RNF121: variants seen among roughly 807,000 people sequenced by gnomAD.
The protein encoded by RNF121 is E3 ubiquitin ligase RNF121.
A neutral mutation model predicts 46.5 loss-of-function variants in RNF121; 21 were observed. The ratio of observed to expected loss-of-function variants is 0.45; its 90% confidence interval spans 0.32 to 0.65. The LOEUF is 0.65. RNF121 is among the 30% of genes least tolerant of loss of function. The pLI is 0.04. For synonymous variants in RNF121, 139 were observed against 144.7 expected (o/e 0.96, Z 0.28); for missense variants, 346 against 416.0 (o/e 0.83, Z 1.46).
At chr11:71,940,848 T>C (rs1953551527) in intron 1 of RNF121, among the ~76,000 whole-genome samples, 1 of 152,242 alleles carries the variant, frequency 6.6e-6, no homozygotes, top group South Asian at 2.1e-4. Flanking sequence ...ATGGAGAAGA[T>C]GTTTTGAGTT....
chr11:71,953,896 T>C (rs1326222792), intron 1 of RNF121, among the ~76,000 whole-genome samples: 4 of 152,218 alleles, frequency 2.6e-5, no homozygotes, highest in Non-Finnish European at 4.4e-5. Context: ...AGTCAACTTC[T>C]CATAATTTTT....
At chr11:71,992,985 C>G (rs1054660977) in intron 6 of RNF121, among the ~76,000 whole-genome samples, 6 of 152,120 alleles carry the variant, frequency 3.9e-5, no homozygotes, top group Non-Finnish European at 8.8e-5. Flanking sequence ...ATTTCCATCA[C>G]CTTGGGTAAC....
At chr11:71,961,317 T>G (rs533536564) in intron 3 of RNF121, among the ~76,000 whole-genome samples, 1 of 152,184 alleles carries the variant, frequency 6.6e-6, no homozygotes, top group African/African-American at 2.4e-5. Context: ...TCCTAGTACT[T>G]TGGGAGATTG....
chr11:71,961,019 T>C (rs1954118732), intron 3 of RNF121, 128 bp downstream of exon 3: 1 of 1,016,220 alleles, frequency 9.8e-7, no homozygotes, highest in Non-Finnish European at 1.4e-6. Flanking sequence ...ACTTTATGTA[T>C]GAATGATGAA....
intron 1 of RNF121, among the ~76,000 whole-genome samples, chr11:71,934,061 C>T (rs1953341523): frequency 6.6e-6 from 1 of 152,142 alleles, no homozygotes; most frequent in Non-Finnish European, 1.5e-5. Flanking sequence ...CCTTTCTTTT[C>T]CCTTATTGCC....
At chr11:71,993,159 T>C (rs1313755972) in intron 6 of RNF121, among the ~76,000 whole-genome samples, 1 of 152,242 alleles carries the variant, frequency 6.6e-6, no homozygotes, top group East Asian at 1.9e-4. Context: ...TACCTTCATT[T>C]CCCTCTTACC....
chr11:71,987,500 C>T (rs563401366), intron 5 of RNF121, among the ~76,000 whole-genome samples: 24 of 152,314 alleles, frequency 1.6e-4, no homozygotes, highest in African/African-American at 5.5e-4. Flanking sequence ...TTACGTTCAA[C>T]TAGGCCAGGG....
chr11:71,947,158 C>T lies in RNF121; in HGVS notation c.64-10069C>T, dbSNP rs536488766. On this transcript the variant is annotated intron_variant, in intron 1 of 8. Transcript: ENST00000361756. ...AGATTACAGGCTTGAGCCACTGTGCCTGGCTGGTTGCATCTTATTTTAAAT... is the reference window on the plus strand; with the variant it reads ...AGATTACAGGCTTGAGCCACTGTGCTTGGCTGGTTGCATCTTATTTTAAAT... Among the ~76,000 whole-genome samples, 37 of 152,190 alleles carry T rather than the reference C, an allele frequency of 2.4e-4. 1 individual carries two copies. In the Middle Eastern group the frequency reaches 0.027, roughly 112 times the overall value.
intron 1 of RNF121, among the ~76,000 whole-genome samples, chr11:71,930,618 A>G (rs1006587542): frequency 3.3e-5 from 5 of 152,130 alleles, no homozygotes; most frequent in Non-Finnish European, 7.4e-5. Flanking sequence ...GACCCCTTCT[A>G]GCTTTTACAT....
chr11:71,968,290 C>T lies in RNF121; in HGVS notation c.243+7399C>T, dbSNP rs538853105. Among the ~76,000 whole-genome samples the T allele has an allele frequency of 2.0e-5, 3 of 152,308 alleles. No individual in the cohort carries two copies. The South Asian group carries it at 6.2e-4, about 32-fold the overall frequency. On this transcript the variant is annotated intron_variant, in intron 3 of 8. Transcript: ENST00000361756. The stretch of plus-strand genomic sequence containing the variant: ...GGCCAGGCTGATCTCGAACTCTGGA[C>T]TTCAAGTGATCAAACTGCCTCGGCC...
In RNF121 at chr11:71,960,880, C is replaced by T. The variant is rs558215963; in HGVS notation, c.232C>T (p.Arg78Cys). ...LLVQWKQRHP[R>C]SYNMVTLFQM... ...GGTGCAGTGGAAGCAGAGGCACCCA[C>T]GCTCCTACAATGTAAGCCACTTTGC... Residue 78 changes from arginine to cysteine, a missense_variant, in exon 3 of 9, where the codon CGC becomes TGC. Transcript: ENST00000361756. 23 of 1,613,924 alleles carry T rather than the reference C, an allele frequency of 1.4e-5. 1 individual carries two copies. The highest frequency in any genetic ancestry group is 1.6e-4 in the Middle Eastern group (1 of 6,062).
At chr11:71,971,437 A>C (rs1387700761) in intron 3 of RNF121, among the ~76,000 whole-genome samples, 2 of 152,222 alleles carry the variant, frequency 1.3e-5, no homozygotes, top group Non-Finnish European at 2.9e-5. Context: ...CAAGTAAGAA[A>C]GATTCGATAA....
At chr11:71,970,218 G>A (rs1239707043) in intron 3 of RNF121, among the ~76,000 whole-genome samples, 8 of 152,110 alleles carry the variant, frequency 5.3e-5, no homozygotes, top group Admixed American at 3.3e-4. Context: ...AGGGAGTAGG[G>A]GGAATTAGGG....
At chr11:71,930,301 T>TCAACAGA (rs1198017903) in intron 1 of RNF121, among the ~76,000 whole-genome samples, 1 of 152,096 alleles carries the variant, frequency 6.6e-6, no homozygotes, top group Non-Finnish European at 1.5e-5. Flanking sequence ...AGAGGCCCCT[T>TCAACAGA]GCTGTGTGTT....
At chr11:71,989,744 T>C (rs1169407673) in intron 5 of RNF121, among the ~76,000 whole-genome samples, 1 of 152,210 alleles carries the variant, frequency 6.6e-6, no homozygotes, top group Non-Finnish European at 1.5e-5. Context: ...TCTTGTTAAA[T>C]AGACTTGGAC....
Position 71,987,087 on chromosome 11 carries a change from T to C in RNF121, c.482T>C (p.Leu161Pro), listed in dbSNP as rs1289117268. The change falls in exon 5 of 9, where the codon CTC becomes CCC. Residue 161 changes from leucine (L) to proline (P), a missense_variant. This residue lies in a region of RNF121 where 286 missense variants were observed against 383.8 expected (regional missense o/e 0.75). Coordinates refer to ENST00000361756, the MANE Select transcript of RNF121 (RefSeq NM_018320.5). ...IVGYMAVMFT[L>P]FGLNLLFKIK... Reference sequence around the variant, plus strand: ...GGCTACATGGCTGTCATGTTTACCCTCTTTGGTCTTAACTTATTATTCAAG... The same window carrying C: ...GGCTACATGGCTGTCATGTTTACCCCCTTTGGTCTTAACTTATTATTCAAG... 2 of 1,611,424 alleles carry C rather than the reference T, an allele frequency of 1.2e-6. No individual in the cohort carries two copies. Among genetic ancestry groups the C allele is most frequent in the Non-Finnish European group, 1.7e-6 (2 of 1,177,702 alleles).
At chr11:71,978,848 C>T (rs1954588986) in intron 3 of RNF121, among the ~76,000 whole-genome samples, 1 of 152,194 alleles carries the variant, frequency 6.6e-6, no homozygotes. Flanking sequence ...GTTAAACGAT[C>T]TGCCTAAGTT....
At chr11:71,974,433 C>T (rs1476596683) in intron 3 of RNF121, among the ~76,000 whole-genome samples, 1 of 152,166 alleles carries the variant, frequency 6.6e-6, no homozygotes, top group East Asian at 1.9e-4. Context: ...GACTTGAGTT[C>T]TTCTCATTTA....
intron 1 of RNF121, among the ~76,000 whole-genome samples, chr11:71,943,223 G>A (rs185778318): frequency 7.2e-5 from 11 of 152,342 alleles, no homozygotes; most frequent in African/African-American, 2.6e-4. Context: ...GATTGGATAT[G>A]TGATGTAAGG....
Sources: allele counts gnomAD v4.1 joint callset (sites outside exome capture counted in the v4.1 genomes callset), GRCh38; gene constraint gnomAD v4.1.1; regional missense constraint gnomAD v4.1.1; transcripts MANE v1.5; gene names NCBI Gene and HGNC (gene_info 2026-07-23, HGNC 2026-07-21).